EPHA5: variants seen among roughly 807,000 people sequenced by gnomAD.
EPHA5 encodes ephrin type-A receptor 5.
EPHA5 carries 60 observed loss-of-function variants against 105.0 expected under a neutral mutation model. The observed-to-expected ratio is 0.57, with a 90% confidence interval of 0.46 to 0.71. The LOEUF (loss-of-function observed/expected upper bound fraction) is 0.71. Among genes scored for constraint, EPHA5 ranks in the 30% least tolerant of loss-of-function variants. EPHA5 has a pLI of 0.00. For synonymous variants in EPHA5, 513 were observed against 449.1 expected, an observed-to-expected ratio of 1.14 and a Z score of -1.80; for missense variants, 1,218 against 1,274.7, an observed-to-expected ratio of 0.96 and a Z score of 0.68.
At chr4:65,574,388 T>C in intron 3 of EPHA5, 1 of 714,474 alleles carries the variant, frequency 1.4e-6, no homozygotes, top group Non-Finnish European at 1.9e-6. Flanking sequence ...TAATAAAAAA[T>C]AAAAAAATAA....
chr4:65,655,317 T>A (rs1748960789), intron 1 of EPHA5, among the ~76,000 whole-genome samples: 2 of 152,040 alleles, frequency 1.3e-5, no homozygotes, highest in African/African-American at 4.8e-5. Context: ...AAACTATAAA[T>A]CCATTGGCTC....
intron 3 of EPHA5, among the ~76,000 whole-genome samples, chr4:65,551,265 T>C (rs1379215905): frequency 1.0e-5 from 1 of 100,280 alleles, no homozygotes. Flanking sequence ...TGTGTGTGTG[T>C]GTGTGTGTGT....
chr4:65,647,102 G>A (rs1481866037), intron 1 of EPHA5, among the ~76,000 whole-genome samples: 1 of 152,002 alleles, frequency 6.6e-6, no homozygotes, highest in Non-Finnish European at 1.5e-5. Context: ...GCTGAGGCGG[G>A]TGGATCATGA....
chr4:65,478,024 A>G (rs1729998101), intron 5 of EPHA5, among the ~76,000 whole-genome samples: 1 of 152,208 alleles, frequency 6.6e-6, no homozygotes, highest in Non-Finnish European at 1.5e-5. Flanking sequence ...TCGTTATTGA[A>G]TAAATCAGAG....
At position 65,579,371 on chromosome 4, in the gene EPHA5, T is replaced by TATAA. The variant is rs1741383136; in HGVS notation, c.910+22269_910+22270insTTAT. ...ATATGTATGTGTGTATATATATATA[T>TATAA]ATATAAATATATATATATAAAATAT... On this transcript the variant is annotated intron_variant, in intron 3 of 16. Coordinates refer to ENST00000613740, the MANE Select transcript of EPHA5 (RefSeq NM_001281766.3). Among the ~76,000 whole-genome samples the TATAA allele has an allele frequency of 2.0e-5, 3 of 146,974 alleles. No homozygotes were observed. In the South Asian group the frequency reaches 6.3e-4, roughly 31 times the overall value.
intron 5 of EPHA5, among the ~76,000 whole-genome samples, chr4:65,483,522 G>A (rs1730588508): frequency 1.3e-5 from 2 of 152,102 alleles, no homozygotes; most frequent in South Asian, 4.1e-4. Context: ...TCCAGCACCT[G>A]TTGTTAAATA....
chr4:65,552,901 A>G (rs1738061997), intron 3 of EPHA5, among the ~76,000 whole-genome samples: 1 of 152,040 alleles, frequency 6.6e-6, no homozygotes, highest in Non-Finnish European at 1.5e-5. Flanking sequence ...ATATAGATAC[A>G]TTTCCCAGGG....
chr4:65,384,999 C>A lies in EPHA5; in HGVS notation c.1794-17575G>T, dbSNP rs192896430. On this transcript the variant is annotated intron_variant, in intron 8 of 16. Coordinates refer to ENST00000613740, the MANE Select transcript of EPHA5 (RefSeq NM_001281766.3). ...GTCTCGGGGGCCTCTTAGAAAAGAA[C>A]GTAGGATTATCATGATGAACCTATT... 1.2e-3 allele frequency among the ~76,000 whole-genome samples: 185 copies of A among 151,470 alleles called. 1 individual carries two copies. Among genetic ancestry groups the A allele is most frequent in the African/African-American group, 4.1e-3 (170 of 41,358 alleles).
intron 2 of EPHA5, among the ~76,000 whole-genome samples, chr4:65,610,262 A>C (rs369551402): frequency 6.6e-6 from 1 of 152,142 alleles, no homozygotes; most frequent in Admixed American, 6.6e-5. Flanking sequence ...CATCATCCTA[A>C]GCAAACTAAC....
At chr4:65,417,984 C>T (rs2149030044) in intron 6 of EPHA5, among the ~76,000 whole-genome samples, 1 of 152,178 alleles carries the variant, frequency 6.6e-6, no homozygotes, top group East Asian at 1.9e-4. Flanking sequence ...AAAAAGAAAG[C>T]CAGCATTAAT....
At chr4:65,409,391 A>C (rs1331551464) in intron 7 of EPHA5, among the ~76,000 whole-genome samples, 1 of 146,176 alleles carries the variant, frequency 6.8e-6, no homozygotes, top group Non-Finnish European at 1.5e-5. Context: ...TGTAAGCCGG[A>C]AAAAAGGTAA....
intron 3 of EPHA5, among the ~76,000 whole-genome samples, chr4:65,592,723 G>A (rs1253475940): frequency 2.6e-5 from 4 of 152,034 alleles, no homozygotes; most frequent in Admixed American, 6.6e-5. Flanking sequence ...GTTACAACAC[G>A]TCTCAATCCT....
chr4:65,478,301 A>C (rs4345230), intron 5 of EPHA5, among the ~76,000 whole-genome samples: 1,922 of 152,342 alleles, frequency 0.013, 16 homozygotes, highest in Non-Finnish European at 0.02. Context: ...TTCATCTCAT[A>C]TCTGTCCTTA....
At chr4:65,507,918 C>T (rs1322323983) in intron 3 of EPHA5, among the ~76,000 whole-genome samples, 3 of 150,982 alleles carry the variant, frequency 2.0e-5, no homozygotes, top group Admixed American at 6.6e-5. Context: ...TTAATAGATA[C>T]CCAAATTCCC....
chr4:65,407,751 T>C, intron 7 of EPHA5, among the ~76,000 whole-genome samples: 1 of 151,396 alleles, frequency 6.6e-6, no homozygotes, highest in Admixed American at 6.6e-5. Context: ...CCTTGATGGG[T>C]TTTACATTTT....
intron 5 of EPHA5, among the ~76,000 whole-genome samples, chr4:65,465,381 G>T (rs767324207): frequency 6.6e-6 from 1 of 151,304 alleles, no homozygotes; most frequent in Admixed American, 6.6e-5. Flanking sequence ...AGCCGAGATC[G>T]TGCCATTGCA....
chr4:65,349,219 T>G (rs192268240), intron 13 of EPHA5, among the ~76,000 whole-genome samples: 1 of 152,232 alleles, frequency 6.6e-6, no homozygotes, highest in Non-Finnish European at 1.5e-5. Flanking sequence ...TTTGTTTTTG[T>G]TTGGTTCAAC....
intron 5 of EPHA5, among the ~76,000 whole-genome samples, chr4:65,425,276 C>T (rs1724320437): frequency 6.6e-6 from 1 of 152,050 alleles, no homozygotes; most frequent in Non-Finnish European, 1.5e-5. Flanking sequence ...ATGTATTTTA[C>T]ATTTGATTCT....
chr4:65,328,994 G>T (rs1277151280), intron 16 of EPHA5, among the ~76,000 whole-genome samples: 1 of 151,056 alleles, frequency 6.6e-6, no homozygotes, highest in Non-Finnish European at 1.5e-5. Flanking sequence ...CACACAATTG[G>T]TATAATATTT....
Sources: gnomAD v4.1 joint callset for allele counts (sites outside exome capture counted in the v4.1 genomes callset) on GRCh38, gnomAD v4.1.1 for gene constraint, MANE v1.5 for transcripts, NCBI Gene and HGNC (gene_info 2026-07-23, HGNC 2026-07-21) for gene names.